Variants in SIN3A observed in about 807,000 individuals in gnomAD.
SIN3A encodes paired amphipathic helix protein Sin3a.
SIN3A carries 14 observed loss-of-function variants against 146.1 expected under a neutral mutation model. That is an observed-to-expected ratio of 0.10 (90% confidence interval 0.06 to 0.15). The LOEUF (loss-of-function observed/expected upper bound fraction) is 0.15, where lower values mean the gene tolerates loss of function less well. Among genes scored for constraint, SIN3A ranks in the 10% least tolerant of loss-of-function variants. The probability of loss-of-function intolerance (pLI) is 1.00; values close to 1 mark genes in which losing one functional copy is unlikely to be tolerated. For synonymous variants in SIN3A, 572 were observed against 572.0 expected, an observed-to-expected ratio of 1.00 and a Z score of 0.00; for missense variants, 1,028 against 1,576.0, an observed-to-expected ratio of 0.65 and a Z score of 5.89.
intron 4 of SIN3A, among the ~76,000 whole-genome samples, chr15:75,413,434 T>C (rs2073680042): frequency 6.6e-6 from 1 of 152,216 alleles, no homozygotes; most frequent in African/African-American, 2.4e-5. Context: ...CACTTTCTAC[T>C]AGGTTTTCTC....
At chr15:75,374,985 T>C (rs537836348) in intron 20 of SIN3A, among the ~76,000 whole-genome samples, 15 of 152,236 alleles carry the variant, frequency 9.9e-5, no homozygotes, top group Non-Finnish European at 1.9e-4. Context: ...GGTTTCACAA[T>C]TGAGACAGAA....
upstream of SIN3A, chr15:75,454,956 C>G (rs1048743309): frequency 2.0e-5 from 3 of 152,178 alleles, no homozygotes; most frequent in African/African-American, 4.8e-5. Context: ...AATGCTGACT[C>G]GACCGCCACG....
Position 75,409,971 on chromosome 15 carries a change from A to C in SIN3A, c.1182T>G (p.Ala394=). The C allele has an allele frequency of 6.2e-7, 1 of 1,614,190 alleles. No individual in the cohort carries two copies. The highest frequency in any genetic ancestry group is 1.1e-5 in the South Asian group (1 of 91,080). Residue 394 remains alanine, a synonymous_variant, in exon 8 of 21, where the codon GCT becomes GCG. Coordinates refer to ENST00000394947, the MANE Select transcript of SIN3A (RefSeq NM_001145358.2). ...NSSVLLSKTT[A]EKVDSVRNDH... is the part of the protein sequence containing the mutation. ...CATTTCTCACAGAATCAACCTTCTC[A>C]GCAGTTGTTTTGCTTAAAAGCTGAT...
intron 1 of SIN3A, among the ~76,000 whole-genome samples, chr15:75,444,436 T>A (rs1028535916): frequency 1.3e-5 from 2 of 151,990 alleles, no homozygotes; most frequent in Non-Finnish European, 2.9e-5. Context: ...CAAGACCGCA[T>A]CTCAAAAATA....
chr15:75,387,576 A>T (rs2073112297), intron 16 of SIN3A, among the ~76,000 whole-genome samples: 1 of 151,292 alleles, frequency 6.6e-6, no homozygotes, highest in Non-Finnish European at 1.5e-5. Context: ...AAAAAAAAAA[A>T]AAGCGGGGGG....
At chr15:75,453,878 G>C (rs939731640), upstream of SIN3A, 6 of 152,272 alleles carry the variant, frequency 3.9e-5, no homozygotes, top group African/African-American at 1.4e-4. Flanking sequence ...ACTAGGTCTC[G>C]AGCCTCGGTG....
chr15:75,438,103 G>A (rs1191128900), intron 1 of SIN3A, among the ~76,000 whole-genome samples: 2 of 152,222 alleles, frequency 1.3e-5, no homozygotes, highest in Non-Finnish European at 2.9e-5. Flanking sequence ...GTTCACACCT[G>A]TAATCCTAGC....
At chr15:75,375,023 CA>C (rs1266543804) in intron 20 of SIN3A, among the ~76,000 whole-genome samples, 2 of 152,130 alleles carry the variant, frequency 1.3e-5, no homozygotes, top group African/African-American at 2.4e-5. Flanking sequence ...TTCATACAAG[CA>C]AAAGATCAGA....
At chr15:75,416,188 C>T (rs1480451415) in intron 3 of SIN3A, among the ~76,000 whole-genome samples, 2 of 152,172 alleles carry the variant, frequency 1.3e-5, no homozygotes, top group Non-Finnish European at 2.9e-5. Flanking sequence ...ACACAGAACA[C>T]TTCATTGTTG....
At chr15:75,437,114 T>G (rs1156935511) in intron 1 of SIN3A, among the ~76,000 whole-genome samples, 1 of 151,810 alleles carries the variant, frequency 6.6e-6, no homozygotes, top group Non-Finnish European at 1.5e-5. Context: ...GTCTTCCATG[T>G]ATGACTGCTA....
In SIN3A at chr15:75,413,003, G is replaced by A. The variant is rs759820007; in HGVS notation, c.516C>T (p.Phe172=). The A allele has an allele frequency of 1.2e-6, 2 of 1,614,016 alleles. No individual in the cohort carries two copies. Among genetic ancestry groups the A allele is most frequent in the South Asian group, 2.2e-5 (2 of 91,046 alleles). ...PGVISRVSQL[F]KGHPDLIMGF... The stretch of plus-strand genomic sequence containing the variant: ...CCATTATCAGATCGGGGTGGCCTTT[G>A]AATAGCTGGGACACACGACTAATCA... Residue 172 remains phenylalanine, a synonymous_variant, in exon 5 of 21, where the codon TTC becomes TTT. Transcript: ENST00000394947.
chr15:75,420,319 C>G (rs1309604476), intron 3 of SIN3A: 2 of 146,052 alleles, frequency 1.4e-5, no homozygotes, highest in East Asian at 3.9e-4. Flanking sequence ...AGACAAAAAA[C>G]AAAAAAAAAA....
At chr15:75,416,942 T>C (rs2073748921) in intron 3 of SIN3A, among the ~76,000 whole-genome samples, 1 of 152,224 alleles carries the variant, frequency 6.6e-6, no homozygotes, top group Non-Finnish European at 1.5e-5. Context: ...TGAAAAGTTG[T>C]TAAACAACAT....
intron 1 of SIN3A, among the ~76,000 whole-genome samples, chr15:75,437,174 A>AC (rs2074122553): frequency 4.0e-5 from 5 of 124,248 alleles, no homozygotes; most frequent in Admixed American, 7.9e-5. Context: ...CAGTCCCAGA[A>AC]CCCTTTTTTT....
At chr15:75,431,211 G>A (rs1308134246) in intron 1 of SIN3A, among the ~76,000 whole-genome samples, 1 of 152,148 alleles carries the variant, frequency 6.6e-6, no homozygotes, top group Non-Finnish European at 1.5e-5. Context: ...TTCTAGACTT[G>A]CCAATTTAAG....
At chr15:75,414,991 GA>G (rs941783627) in intron 3 of SIN3A, among the ~76,000 whole-genome samples, 2 of 151,768 alleles carry the variant, frequency 1.3e-5, no homozygotes, top group Non-Finnish European at 2.9e-5. Flanking sequence ...AAATGAGACA[GA>G]AAAAAAAGCA....
intron 1 of SIN3A, among the ~76,000 whole-genome samples, chr15:75,441,180 T>G (rs1447076613): frequency 6.6e-6 from 1 of 151,724 alleles, no homozygotes; most frequent in Non-Finnish European, 1.5e-5. Flanking sequence ...CATGGTGGCG[T>G]GTGCCTATAA....
chr15:75,400,981 G>A (rs761160908), intron 10 of SIN3A, 41 bp from the exon 11 acceptor site: 3 of 1,424,202 alleles, frequency 2.1e-6, no homozygotes, highest in Non-Finnish European at 3.0e-6. Flanking sequence ...ATTAGGGGCA[G>A]GATGCAGTTA....
chr15:75,412,181 C>T (rs1360058234), intron 5 of SIN3A, among the ~76,000 whole-genome samples: 11 of 152,224 alleles, frequency 7.2e-5, no homozygotes, highest in Admixed American at 6.5e-5. Flanking sequence ...TTTATTTGCA[C>T]TGTCTTATAC....
Sources: allele counts gnomAD v4.1 joint callset (sites outside exome capture counted in the v4.1 genomes callset), GRCh38; gene constraint gnomAD v4.1.1; transcripts MANE v1.5; gene names NCBI Gene and HGNC (gene_info 2026-07-23, HGNC 2026-07-21).